HHLA2: variants seen among roughly 807,000 people sequenced by gnomAD.
HHLA2 encodes HHLA2 member of B7 family, also known as HERV-H LTR-associating protein 2.
In HHLA2, 48 loss-of-function variants were observed where a neutral mutation model predicts 45.9. The observed-to-expected ratio is 1.05, with a 90% CI of 0.83 to 1.33. The LOEUF (loss-of-function observed/expected upper bound fraction) is 1.33. Among genes scored for constraint, HHLA2 ranks in the 40% most tolerant of loss-of-function variants. The pLI, the probability that HHLA2 is intolerant of heterozygous loss-of-function variation, is 0.00. For synonymous variants in HHLA2, 161 were observed against 173.9 expected, an observed-to-expected ratio of 0.93 and a Z score of 0.59; for missense variants, 462 against 494.3, an observed-to-expected ratio of 0.93 and a Z score of 0.62.
intron 3 of HHLA2, among the ~76,000 whole-genome samples, chr3:108,343,782 T>G (rs75132635): frequency 6.6e-6 from 1 of 152,224 alleles, no homozygotes; most frequent in African/African-American, 2.4e-5. Context: ...ACACAATAGA[T>G]GTATTTAAAT....
rs997718374 is a variant in HHLA2, at chr3:108,353,480, A to G, written c.118A>G (p.Ile40Val). 4.4e-6 allele frequency: 7 copies of G among 1,604,694 alleles called. No homozygotes were observed. The Admixed American group carries it at 1.0e-4, about 24-fold the overall frequency. ...TGTTCCTATGAATGAACAAATCGTC[A>G]TTGGAAGACTTGATGAAGATATAAT... Residue 40 changes from isoleucine to valine, a missense_variant, in exon 5 of 11, where the codon ATT becomes GTT. Coordinates refer to ENST00000619531, the Ensembl canonical transcript of HHLA2.
At chr3:108,297,687 A>G (rs1418102467) in intron 1 of HHLA2, among the ~76,000 whole-genome samples, 1 of 152,202 alleles carries the variant, frequency 6.6e-6, no homozygotes, top group Admixed American at 6.5e-5. Context: ...TGGCTCTTAA[A>G]TAAATCCATG....
chr3:108,336,466 CTT>C (rs1272528531), intron 3 of HHLA2, among the ~76,000 whole-genome samples: 1 of 152,152 alleles, frequency 6.6e-6, no homozygotes, highest in Non-Finnish European at 1.5e-5. Context: ...TGACCCATCT[CTT>C]GTTAGTACTT....
At position 108,327,776 on chromosome 3, in the gene HHLA2, G is replaced by A. The variant is rs149320610; in HGVS notation, c.-104-494G>A. ...ATGCGAGTTTTATTTTCAGTTATCT[G>A]TTTGATTGTTTTCTTGTCTCTGAGT... On this transcript the variant is annotated intron_variant, in intron 2 of 10. Transcript: ENST00000619531. Among the ~76,000 whole-genome samples the A allele has an allele frequency of 1.4e-3, 219 of 152,190 alleles. 1 individual carries two copies. Among genetic ancestry groups the A allele is most frequent in the Non-Finnish European group, 2.0e-3 (136 of 67,994 alleles).
intron 1 of HHLA2, among the ~76,000 whole-genome samples, chr3:108,305,522 C>G (rs1247725037): frequency 6.6e-6 from 1 of 152,168 alleles, no homozygotes; most frequent in African/African-American, 2.4e-5. Flanking sequence ...TAAGCAGTTC[C>G]ATATATCCCA....
chr3:108,353,750 A>G (rs758419765), exon 5 of HHLA2: 3 of 1,612,140 alleles, frequency 1.9e-6, no homozygotes, highest in Non-Finnish European at 2.5e-6. Flanking sequence ...AATTCAAGTG[A>G]TTACAAACAA....
At chr3:108,353,693 G>A in exon 5 of HHLA2, 2 of 1,613,654 alleles carry the variant, frequency 1.2e-6, no homozygotes, top group South Asian at 1.1e-5. Flanking sequence ...TTTCAGAAGA[G>A]TAAGCCTTCT....
exon 6 of HHLA2, chr3:108,355,324 T>C (rs771522679): frequency 1.9e-6 from 3 of 1,613,948 alleles, no homozygotes; most frequent in Non-Finnish European, 2.5e-6. Context: ...ATCTTATGAA[T>C]GTACAATTGA....
chr3:108,329,310 A>G (rs1207450596), intron 3 of HHLA2, among the ~76,000 whole-genome samples: 2 of 152,156 alleles, frequency 1.3e-5, no homozygotes, highest in African/African-American at 2.4e-5. Flanking sequence ...GAGCCCCTAA[A>G]AAAAGAAACG....
At chr3:108,366,999 A>C (rs942119789) in intron 8 of HHLA2, among the ~76,000 whole-genome samples, 2 of 152,222 alleles carry the variant, frequency 1.3e-5, no homozygotes, top group Non-Finnish European at 2.9e-5. Context: ...CAAAGCCTCC[A>C]GAGGAAGGAG....
chr3:108,301,318 C>CTT (rs1009894014), intron 1 of HHLA2, among the ~76,000 whole-genome samples: 12 of 152,126 alleles, frequency 7.9e-5, no homozygotes, highest in African/African-American at 1.2e-4. Flanking sequence ...TTTTACTGTA[C>CTT]TTTTGTCTTC....
intron 8 of HHLA2, among the ~76,000 whole-genome samples, chr3:108,370,847 C>A (rs2082157298): frequency 6.6e-6 from 1 of 152,174 alleles, no homozygotes. Context: ...AAATCTACGT[C>A]TGATTGGTGT....
At chr3:108,314,515 G>A (rs1418196092) in intron 2 of HHLA2, among the ~76,000 whole-genome samples, 1 of 152,052 alleles carries the variant, frequency 6.6e-6, no homozygotes, top group African/African-American at 2.4e-5. Flanking sequence ...GGGATGGGGA[G>A]GGGTTTTCCT....
Position 108,337,658 on chromosome 3 carries a change from C to A in HHLA2, c.-27+9311C>A, listed in dbSNP as rs927122152. ...GAAATACATAACGAAAGCTCACCCT[C>A]CCCAGAAACTTTATAAGGTGGAACA... On this transcript the variant is annotated intron_variant, in intron 3 of 10. Coordinates refer to ENST00000619531, the Ensembl canonical transcript of HHLA2. Among the ~76,000 whole-genome samples, 9 of 152,218 alleles carry A rather than the reference C, an allele frequency of 5.9e-5. No homozygotes were observed. In the East Asian group the frequency reaches 1.4e-3, roughly 23 times the overall value.
chr3:108,374,706 G>A (rs1452145923), intron 8 of HHLA2, among the ~76,000 whole-genome samples: 10 of 149,042 alleles, frequency 6.7e-5, no homozygotes, highest in African/African-American at 2.2e-4. Context: ...AGACATTTAT[G>A]CAGCCAAAAA....
Position 108,355,355 on chromosome 3 carries a change from CA to C in HHLA2, c.660del (p.Trp221GlyfsTer7). 1 of 1,613,770 alleles carries C rather than the reference CA, an allele frequency of 6.2e-7. No homozygotes were observed. The highest frequency in any genetic ancestry group is 8.5e-7 in the Non-Finnish European group (1 of 1,179,792). On this transcript the variant is annotated frameshift_variant, in exon 6 of 11. Transcript: ENST00000619531. LOFTEE classifies it high-confidence loss of function. The stretch of plus-strand genomic sequence containing the variant: ...ATTGAAAATTCACTGCTGAAGCAAA[CA>C]TGGACAGGGCGCTGGACGATGAAAG...
chr3:108,332,804 C>T (rs1366200715), intron 3 of HHLA2, among the ~76,000 whole-genome samples: 1 of 152,130 alleles, frequency 6.6e-6, no homozygotes, highest in African/African-American at 2.4e-5. Flanking sequence ...TCTCCTGTTC[C>T]TCTCCTTCCT....
intron 3 of HHLA2, among the ~76,000 whole-genome samples, chr3:108,343,017 C>A (rs934848810): frequency 1.3e-5 from 2 of 152,148 alleles, no homozygotes. Flanking sequence ...AGATTAGGGA[C>A]TGACTCATCC....
chr3:108,319,334 T>C (rs1444039089), intron 2 of HHLA2, among the ~76,000 whole-genome samples: 1 of 152,208 alleles, frequency 6.6e-6, no homozygotes, highest in Non-Finnish European at 1.5e-5. Flanking sequence ...CCCACTCTAA[T>C]CTGAGACTCT....
Sources: allele counts gnomAD v4.1 joint callset (sites outside exome capture counted in the v4.1 genomes callset), GRCh38; gene constraint gnomAD v4.1.1; transcripts MANE v1.5; gene names NCBI Gene and HGNC (gene_info 2026-07-23, HGNC 2026-07-21).